GALNT13: variants seen among roughly 807,000 people sequenced by gnomAD.
The protein encoded by GALNT13 is UDP-GalNAc:polypeptide N-acetylgalactosaminyltransferase 13.
A neutral mutation model predicts 64.2 loss-of-function variants in GALNT13; 28 were observed. That is an observed-to-expected ratio of 0.44 (90% confidence interval 0.32 to 0.60). GALNT13 has a LOEUF of 0.60. Ranked by LOEUF, GALNT13 falls within the 20% of genes least tolerant of loss-of-function variation. The probability of loss-of-function intolerance (pLI) is 0.05; values close to 1 mark genes in which losing one functional copy is unlikely to be tolerated. For synonymous variants in GALNT13, 214 were observed against 224.6 expected, an observed-to-expected ratio of 0.95 and a Z score of 0.42; for missense variants, 577 against 669.8, an observed-to-expected ratio of 0.86 and a Z score of 1.53.
chr2:154,265,149 T>C (rs1283080985), intron 8 of GALNT13, among the ~76,000 whole-genome samples: 1 of 151,940 alleles, frequency 6.6e-6, no homozygotes, highest in Non-Finnish European at 1.5e-5. Context: ...CTAAAAGGAT[T>C]GGAATGGAAC....
chr2:153,083,634 A>T, the GALNT13 span, among the ~76,000 whole-genome samples: 1 of 151,782 alleles, frequency 6.6e-6, no homozygotes, highest in Non-Finnish European at 1.5e-5. Flanking sequence ...GATTCTGGAT[A>T]TTAGTCCTTT....
chr2:154,089,680 G>T (rs2105435906), intron 3 of GALNT13, among the ~76,000 whole-genome samples: 1 of 152,178 alleles, frequency 6.6e-6, no homozygotes, highest in Admixed American at 6.6e-5. Flanking sequence ...ATGCTCAGCT[G>T]TGGGTGAGCT....
At chr2:153,984,148 A>G (rs1204818980) in intron 3 of GALNT13, among the ~76,000 whole-genome samples, 1 of 151,858 alleles carries the variant, frequency 6.6e-6, no homozygotes, top group African/African-American at 2.4e-5. Flanking sequence ...CATTGTCATC[A>G]TGGAGGTTGT....
intron 11 of GALNT13, among the ~76,000 whole-genome samples, chr2:154,427,801 G>A (rs1195222211): frequency 6.6e-6 from 1 of 152,178 alleles, no homozygotes; most frequent in African/African-American, 2.4e-5. Context: ...ACAGCCTATA[G>A]ATGAAACCTG....
chr2:153,609,454 C>T, the GALNT13 span, among the ~76,000 whole-genome samples: 1 of 152,120 alleles, frequency 6.6e-6, no homozygotes. Flanking sequence ...TTCCCTGCTC[C>T]TCTTACACCC....
At chr2:153,719,342 G>T in the GALNT13 span, among the ~76,000 whole-genome samples, 1 of 152,130 alleles carries the variant, frequency 6.6e-6, no homozygotes, top group Non-Finnish European at 1.5e-5. Context: ...ACATTTTCCT[G>T]AGGGCTACAT....
At chr2:153,072,556 C>T in the GALNT13 span, among the ~76,000 whole-genome samples, 8,547 of 152,256 alleles carry the variant, frequency 0.056, 268 homozygotes, top group Middle Eastern at 0.11. Context: ...TTATGCCTTT[C>T]TGCGTTCTCA....
At chr2:153,093,914 T>C in the GALNT13 span, among the ~76,000 whole-genome samples, 1 of 152,186 alleles carries the variant, frequency 6.6e-6, no homozygotes, top group African/African-American at 2.4e-5. Flanking sequence ...CTAGGTTGTG[T>C]GTATCTAGGA....
rs367653649 is a variant in GALNT13 at position 154,205,990 on chromosome 2, T to TTTA, written c.312-36019_312-36017dup. ...GTTTTGAAACAATTATGATTTTCCT[T>TTTA]TTATTATTATTATTATTATTATTTT... On this transcript the variant is annotated intron_variant, in intron 4 of 12. Transcript: ENST00000392825. Among the ~76,000 whole-genome samples, 776 of 151,354 alleles carry TTTA rather than the reference T, an allele frequency of 5.1e-3. 8 individuals carry two copies. Among genetic ancestry groups the TTTA allele is most frequent in the African/African-American group, 0.016 (675 of 41,336 alleles).
chr2:153,953,539 T>C (rs1449009486), intron 3 of GALNT13, among the ~76,000 whole-genome samples: 1 of 152,190 alleles, frequency 6.6e-6, no homozygotes, highest in African/African-American at 2.4e-5. Flanking sequence ...GTTATTATAG[T>C]GTAAGTTCAC....
At chr2:154,411,359 CAA>C (rs70983721) in intron 11 of GALNT13, among the ~76,000 whole-genome samples, 3 of 137,088 alleles carry the variant, frequency 2.2e-5, no homozygotes, top group Admixed American at 7.5e-5. Context: ...CACACACACA[CAA>C]ATGTTTTTGG....
At chr2:153,323,161 T>C in the GALNT13 span, among the ~76,000 whole-genome samples, 3 of 152,194 alleles carry the variant, frequency 2.0e-5, no homozygotes, top group Non-Finnish European at 4.4e-5. Flanking sequence ...CAGCATGTGT[T>C]GTTTCCTGAC....
the GALNT13 span, among the ~76,000 whole-genome samples, chr2:153,126,818 CTTCA>C: frequency 6.6e-6 from 1 of 152,154 alleles, no homozygotes; most frequent in Non-Finnish European, 1.5e-5. Context: ...CTAATCTCAT[CTTCA>C]TTCAGAGTGG....
chr2:153,625,340 G>T, the GALNT13 span, among the ~76,000 whole-genome samples: 1 of 152,044 alleles, frequency 6.6e-6, no homozygotes, highest in Non-Finnish European at 1.5e-5. Flanking sequence ...GATTGCATAT[G>T]GTACTGACTA....
chr2:154,437,871 A>G (rs1701070459), intron 11 of GALNT13: 1 of 184,116 alleles, frequency 5.4e-6, no homozygotes, highest in Non-Finnish European at 1.1e-5. Flanking sequence ...AAAAAAAAAA[A>G]CCCTCATGAA....
the GALNT13 span, among the ~76,000 whole-genome samples, chr2:153,611,040 T>C: frequency 6.6e-6 from 1 of 152,190 alleles, no homozygotes; most frequent in Non-Finnish European, 1.5e-5. Context: ...AATATAGTCA[T>C]GATAAAGATC....
At chr2:153,955,708 GAATTC>G (rs914987227) in intron 3 of GALNT13, among the ~76,000 whole-genome samples, 5 of 152,198 alleles carry the variant, frequency 3.3e-5, no homozygotes, top group African/African-American at 1.2e-4. Flanking sequence ...GCCCAGGAAA[GAATTC>G]AAGGGCAAGC....
the GALNT13 span, among the ~76,000 whole-genome samples, chr2:153,402,757 A>G: frequency 1.2e-4 from 18 of 151,980 alleles, no homozygotes; most frequent in African/African-American, 2.4e-4. Context: ...CGTAGTTCTC[A>G]AGCCTTGGTT....
At chr2:153,229,878 G>A in the GALNT13 span, among the ~76,000 whole-genome samples, 1 of 152,198 alleles carries the variant, frequency 6.6e-6, no homozygotes, top group Non-Finnish European at 1.5e-5. Context: ...ACAGGGAAGA[G>A]AGCAGAGAAC....
Sources: allele counts gnomAD v4.1 joint callset (sites outside exome capture counted in the v4.1 genomes callset), GRCh38; gene constraint gnomAD v4.1.1; transcripts MANE v1.5; gene names NCBI Gene and HGNC (gene_info 2026-07-23, HGNC 2026-07-21).